The following EXOC6 variants were observed in gnomAD, a reference collection of about 807,000 sequenced individuals.
EXOC6 encodes exocyst complex component 6.
A neutral mutation model predicts 112.5 loss-of-function variants in EXOC6; 60 were observed. The observed-to-expected ratio is 0.53, with a 90% CI of 0.43 to 0.66. EXOC6 has a LOEUF of 0.66. EXOC6 is among the 30% of genes least tolerant of loss of function. The pLI is 0.00. For missense variants in EXOC6, 855 were observed against 957.1 expected (o/e 0.89, Z 1.41); for synonymous variants, 295 against 308.0 (o/e 0.96, Z 0.44).
chr10:93,053,953 A>G (rs1434415584), intron 20 of EXOC6, among the ~76,000 whole-genome samples: 1 of 152,248 alleles, frequency 6.6e-6, no homozygotes, highest in African/African-American at 2.4e-5. Context: ...TCTTTGGGAC[A>G]CAAACACTGA....
chr10:92,956,884 C>T (rs961188513), intron 17 of EXOC6, among the ~76,000 whole-genome samples: 13 of 151,966 alleles, frequency 8.6e-5, no homozygotes, highest in South Asian at 2.1e-4. Context: ...CAGTACAGTA[C>T]CTACCTCATA....
At chr10:92,857,713 G>C (rs917301415) in intron 1 of EXOC6, among the ~76,000 whole-genome samples, 1 of 152,108 alleles carries the variant, frequency 6.6e-6, no homozygotes, top group African/African-American at 2.4e-5. Flanking sequence ...CCACAAATCA[G>C]ATAAGAAATG....
intron 1 of EXOC6, among the ~76,000 whole-genome samples, chr10:92,852,045 G>A (rs1357940671): frequency 6.6e-6 from 1 of 152,154 alleles, no homozygotes; most frequent in Admixed American, 6.5e-5. Context: ...CTCCAGCCTA[G>A]GCAACAGAGT....
chr10:92,957,555 G>A (rs1431114553), intron 17 of EXOC6, among the ~76,000 whole-genome samples: 1 of 152,142 alleles, frequency 6.6e-6, no homozygotes, highest in Non-Finnish European at 1.5e-5. Flanking sequence ...TGGAAATCAA[G>A]TTCTGCTCTG....
chr10:93,019,344 A>G (rs1199682583), intron 20 of EXOC6, among the ~76,000 whole-genome samples: 1 of 152,162 alleles, frequency 6.6e-6, no homozygotes. Flanking sequence ...TTTGTTTTCC[A>G]GAGCCAAGAA....
upstream of EXOC6, chr10:92,848,439 CCCCCG>C: frequency 9.3e-6 from 7 of 754,514 alleles, no homozygotes; most frequent in African/African-American, 1.9e-5. Flanking sequence ...GAGCGCCCCG[CCCCCG>C]CCCCGCCCCT....
chr10:92,920,407 G>A (rs191431774), intron 8 of EXOC6, among the ~76,000 whole-genome samples: 51 of 152,120 alleles, frequency 3.4e-4, no homozygotes, highest in African/African-American at 1.1e-3. Context: ...GCTTTATTGA[G>A]ATCTAGTTCA....
At chr10:93,043,202 T>A (rs1044880536) in intron 20 of EXOC6, among the ~76,000 whole-genome samples, 1 of 152,172 alleles carries the variant, frequency 6.6e-6, no homozygotes, top group African/African-American at 2.4e-5. Context: ...CCCAAAGTGC[T>A]GGGATTACGG....
chr10:93,041,469 G>A (rs1438603513), intron 20 of EXOC6, among the ~76,000 whole-genome samples: 1 of 152,118 alleles, frequency 6.6e-6, no homozygotes, highest in Non-Finnish European at 1.5e-5. Context: ...TTGGCTCACT[G>A]CAACCTCTAC....
intron 20 of EXOC6, among the ~76,000 whole-genome samples, chr10:93,038,442 A>T (rs892640504): frequency 2.0e-5 from 3 of 152,224 alleles, no homozygotes; most frequent in Non-Finnish European, 4.4e-5. Flanking sequence ...TTAAGCAGTT[A>T]ATTTATAAAT....
intron 20 of EXOC6, among the ~76,000 whole-genome samples, chr10:93,020,122 TAGC>T (rs1844715916): frequency 6.6e-6 from 1 of 152,202 alleles, no homozygotes; most frequent in Admixed American, 6.5e-5. Flanking sequence ...TATTAGATTC[TAGC>T]CTTGTCCATT....
intron 1 of EXOC6, among the ~76,000 whole-genome samples, chr10:92,827,505 A>AAAAAAG (rs1846406143): frequency 6.7e-6 from 1 of 149,662 alleles, no homozygotes; most frequent in Non-Finnish European, 1.5e-5. Flanking sequence ...AAAAAAAAAA[A>AAAAAAG]ATCCCCATGT....
intron 15 of EXOC6, among the ~76,000 whole-genome samples, chr10:92,954,419 A>G (rs1402417736): frequency 2.0e-5 from 3 of 152,222 alleles, no homozygotes; most frequent in Non-Finnish European, 2.9e-5. Context: ...AAATTATGCC[A>G]TATATGAATA....
chr10:92,936,332 G>A (rs1852337432), intron 12 of EXOC6, among the ~76,000 whole-genome samples: 1 of 152,156 alleles, frequency 6.6e-6, no homozygotes, highest in African/African-American at 2.4e-5. Flanking sequence ...TTGTGAAAAT[G>A]GGTTTATTAC....
At chr10:92,981,016 G>A (rs1180095925) in intron 18 of EXOC6, among the ~76,000 whole-genome samples, 1 of 152,080 alleles carries the variant, frequency 6.6e-6, no homozygotes, top group South Asian at 2.1e-4. Flanking sequence ...GACAGAGCAC[G>A]ACTCTGTCTT....
chr10:92,834,840 A>G, intron 1 of EXOC6: 1 of 1,507,582 alleles, frequency 6.6e-7, no homozygotes, highest in African/African-American at 1.4e-5. Context: ...GCACCGTTGC[A>G]TTTTATTGTG....
intron 2 of EXOC6, among the ~76,000 whole-genome samples, chr10:92,894,565 A>G (rs1481547135): frequency 6.6e-6 from 1 of 152,182 alleles, no homozygotes; most frequent in Non-Finnish European, 1.5e-5. Context: ...TCCTGAGTAA[A>G]TTTGAGAAGT....
chr10:92,841,371 A>G (rs1408642495), intron 1 of EXOC6, among the ~76,000 whole-genome samples: 1 of 152,226 alleles, frequency 6.6e-6, no homozygotes, highest in Non-Finnish European at 1.5e-5. Context: ...GTTGCATTAT[A>G]TGCAGGGGAG....
At chr10:92,918,836 A>ATG (rs1174185049) in intron 7 of EXOC6, among the ~76,000 whole-genome samples, 52 of 152,268 alleles carry the variant, frequency 3.4e-4, no homozygotes, top group African/African-American at 1.2e-3. Flanking sequence ...GTATGCACAT[A>ATG]TGTGTATGTG....
Sources: allele counts gnomAD v4.1 joint callset (sites outside exome capture counted in the v4.1 genomes callset), GRCh38; gene constraint gnomAD v4.1.1; transcripts MANE v1.5; gene names NCBI Gene and HGNC (gene_info 2026-07-23, HGNC 2026-07-21).